FGF12: variants seen among roughly 807,000 people sequenced by gnomAD.
FGF12 encodes the protein fibroblast growth factor 12B.
Under a neutral mutation model 23.6 loss-of-function variants are expected in FGF12, and 14 were observed. The observed-to-expected ratio is 0.59, with a 90% CI of 0.39 to 0.93. The LOEUF (loss-of-function observed/expected upper bound fraction) is 0.93. Among genes scored for constraint, FGF12 ranks in the 40% least tolerant of loss-of-function variants. FGF12 has a pLI of 0.00. For synonymous variants in FGF12, 62 were observed against 77.3 expected (o/e 0.80, Z 1.04); for missense variants, 175 against 217.8 (o/e 0.80, Z 1.24).
At chr3:192,425,878 T>C (rs766733298) in intron 2 of FGF12, among the ~76,000 whole-genome samples, 1 of 152,168 alleles carries the variant, frequency 6.6e-6, no homozygotes, top group East Asian at 1.9e-4. Context: ...AATTAAATAG[T>C]ATTAAACTAA....
intron 2 of FGF12, among the ~76,000 whole-genome samples, chr3:192,655,711 A>G (rs1716385105): frequency 6.6e-6 from 1 of 152,216 alleles, no homozygotes. Context: ...TGAGTAATAG[A>G]TGGACGAGTG....
intron 2 of FGF12, among the ~76,000 whole-genome samples, chr3:192,686,815 ATTTTTTTTTTTT>A (rs57045697): frequency 1.9e-3 from 116 of 61,486 alleles, no homozygotes; most frequent in Non-Finnish European, 2.8e-3. Flanking sequence ...TTTTTCTCTA[ATTTTTTTTTTTT>A]TTTTTTTTTT....
intron 4 of FGF12, among the ~76,000 whole-genome samples, chr3:192,271,927 C>A (rs1307506010): frequency 6.6e-6 from 1 of 152,156 alleles, no homozygotes; most frequent in African/African-American, 2.4e-5. Flanking sequence ...CGTCTTAAAA[C>A]GGCTCTTCAA....
intron 4 of FGF12, among the ~76,000 whole-genome samples, chr3:192,317,384 G>C (rs887787385): frequency 6.6e-6 from 1 of 151,708 alleles, no homozygotes. Context: ...CCCTGGCAAC[G>C]TTCACCACAA....
chr3:192,566,618 G>A (rs1712304857), intron 2 of FGF12, among the ~76,000 whole-genome samples: 1 of 152,150 alleles, frequency 6.6e-6, no homozygotes, highest in Non-Finnish European at 1.5e-5. Context: ...AACACTGTCT[G>A]TTGTCTCTTT....
intron 3 of FGF12, among the ~76,000 whole-genome samples, chr3:192,350,024 A>G (rs545395737): frequency 2.0e-5 from 3 of 152,166 alleles, no homozygotes; most frequent in Non-Finnish European, 4.4e-5. Flanking sequence ...TTTCAATGGT[A>G]TAATGATTAT....
At chr3:192,263,216 A>G (rs1039957915) in intron 4 of FGF12, among the ~76,000 whole-genome samples, 2 of 152,134 alleles carry the variant, frequency 1.3e-5, no homozygotes, top group African/African-American at 4.8e-5. Context: ...AATGTTGAGT[A>G]TGACATCATT....
rs1265095879 is a variant in FGF12, at chr3:192,409,714, G to T, written c.14-49176C>A. 1.3e-5 allele frequency among the ~76,000 whole-genome samples: 2 copies of T among 152,266 alleles called. No individual in the cohort carries two copies. The highest frequency in any genetic ancestry group is 2.4e-5 in the African/African-American group (1 of 41,578). ...CCGGAGCTGCCCACCATGGTCTGGC[G>T]CCAGGGGCGCAGGCGGGGCCCCTAG... On this transcript the variant is annotated intron_variant, in intron 2 of 5. Transcript: ENST00000445105. The surrounding 1 kb of genome is among the most constrained non-coding windows in gnomAD (Gnocchi z 4.8).
chr3:192,348,773 T>C (rs1718075722), intron 3 of FGF12, among the ~76,000 whole-genome samples: 1 of 152,168 alleles, frequency 6.6e-6, no homozygotes, highest in African/African-American at 2.4e-5. Context: ...TTATTTAATA[T>C]CTTTAAGGCC....
At chr3:192,393,098 C>T (rs1308061600) in intron 2 of FGF12, among the ~76,000 whole-genome samples, 1 of 152,176 alleles carries the variant, frequency 6.6e-6, no homozygotes, top group African/African-American at 2.4e-5. Flanking sequence ...TCCCTCTCCA[C>T]CAGGAGTAAT....
At chr3:192,321,601 T>C (rs771693621) in intron 4 of FGF12, among the ~76,000 whole-genome samples, 2 of 150,882 alleles carry the variant, frequency 1.3e-5, no homozygotes, top group Admixed American at 1.3e-4. Flanking sequence ...CCACAACACA[T>C]TAAAAAAACC....
intron 2 of FGF12, among the ~76,000 whole-genome samples, chr3:192,382,997 T>G (rs1009904310): frequency 6.6e-6 from 1 of 152,138 alleles, no homozygotes; most frequent in African/African-American, 2.4e-5. Flanking sequence ...GACTAGTTTG[T>G]GAAGATGTAA....
intron 2 of FGF12, among the ~76,000 whole-genome samples, chr3:192,697,664 G>A (rs1718167309): frequency 6.6e-6 from 1 of 152,180 alleles, no homozygotes; most frequent in African/African-American, 2.4e-5. Flanking sequence ...CCACTGGTCA[G>A]GAGACATGGG....
intron 2 of FGF12, among the ~76,000 whole-genome samples, chr3:192,435,504 C>A (rs1031935699): frequency 6.6e-6 from 1 of 152,112 alleles, no homozygotes; most frequent in African/African-American, 2.4e-5. Flanking sequence ...GGGAAGTTGG[C>A]GATCCATTTT....
At chr3:192,520,845 A>G (rs1724796885) in intron 2 of FGF12, among the ~76,000 whole-genome samples, 1 of 152,074 alleles carries the variant, frequency 6.6e-6, no homozygotes, top group Non-Finnish European at 1.5e-5. Context: ...TTTCTTTTGT[A>G]CAAATGCACA....
chr3:192,194,990 T>C (rs1004983298), intron 4 of FGF12, among the ~76,000 whole-genome samples: 2 of 152,180 alleles, frequency 1.3e-5, no homozygotes, highest in Non-Finnish European at 2.9e-5. Context: ...TGTCCTCAAG[T>C]GGTTTACAGT....
intron 2 of FGF12, among the ~76,000 whole-genome samples, chr3:192,508,701 A>G (rs186241580): frequency 6.6e-6 from 1 of 152,288 alleles, no homozygotes; most frequent in Admixed American, 6.5e-5. Context: ...TTCTTTTTAT[A>G]TCTTTATCTT....
Position 192,170,597 on chromosome 3 carries a change from G to A in FGF12, c.288C>T (p.Ile96=). 1 of 1,612,856 alleles carries A rather than the reference G, an allele frequency of 6.2e-7. No individual in the cohort carries two copies. The highest frequency in any genetic ancestry group is 8.5e-7 in the Non-Finnish European group (1 of 1,179,734). ...GCTGGCGGTACAGTGTGGAAGAATA[G>A]ATCACATAGTAGTTTTCAAACACAG... ...KESVFENYYV[I]YSSTLYRQQE... The change falls in exon 5 of 6, where the codon ATC becomes ATT. Residue 96 remains isoleucine, a synonymous_variant. Transcript: ENST00000445105.
Position 192,577,269 on chromosome 3 carries a change from G to A in FGF12, c.13+149912C>T, listed in dbSNP as rs145170078. Among the ~76,000 whole-genome samples the A allele has an allele frequency of 2.0e-3, 299 of 152,232 alleles. 3 individuals are homozygous for A. The highest frequency in any genetic ancestry group is 0.011 in the South Asian group (55 of 4,816). ...TCTTTCTGGTGGTGAGACAATAAAC[G>A]ATTTTGTGTTTGTTTATTCTTTTCT... On this transcript the variant is annotated intron_variant, in intron 2 of 5. Coordinates refer to ENST00000445105, the MANE Select transcript of FGF12 (RefSeq NM_004113.6).
Sources: allele counts gnomAD v4.1 joint callset (sites outside exome capture counted in the v4.1 genomes callset), GRCh38; gene constraint gnomAD v4.1.1; non-coding constraint Gnocchi (gnomAD v3.1); transcripts MANE v1.5; gene names NCBI Gene and HGNC (gene_info 2026-07-23, HGNC 2026-07-21).